Variants in TAMM41 observed in about 807,000 individuals in gnomAD.
TAMM41 encodes the protein TAM41 mitochondrial translocator assembly and maintenance homolog.
In TAMM41, 36 loss-of-function variants were observed where a neutral mutation model predicts 44.1. The ratio of observed to expected loss-of-function variants is 0.82; its 90% CI spans 0.63 to 1.08. The LOEUF (loss-of-function observed/expected upper bound fraction) is 1.08, where lower values mean the gene tolerates loss of function less well. TAMM41 is among the 50% of genes least tolerant of loss of function. The pLI is 0.00. For synonymous variants in TAMM41, 164 were observed against 153.1 expected (o/e 1.07, Z -0.53); for missense variants, 417 against 404.3 (o/e 1.03, Z -0.27).
In TAMM41 at chr3:11,814,060, C is replaced by A. The variant is rs568716061; in HGVS notation, c.708+3132G>T. On this transcript the variant is annotated intron_variant, in intron 5 of 7. Transcript: ENST00000455809. ...GGGCATAGTGGCATGGGCCTGTAGT[C>A]GCAGCTCCTCAAGAGGCTGAGGTGA... Among the ~76,000 whole-genome samples the A allele has an allele frequency of 1.3e-4, 19 of 151,796 alleles. No homozygotes were observed. The South Asian group carries it at 4.0e-3, about 32-fold the overall frequency.
At chr3:11,775,310 C>A in the TAMM41 span, among the ~76,000 whole-genome samples, 4 of 152,280 alleles carry the variant, frequency 2.6e-5, 1 homozygote. Context: ...TCAGCCCCCA[C>A]GTTTGCCAGG....
At chr3:11,809,740 T>C in intron 5 of TAMM41, 58 bp from the exon 6 acceptor site, 1 of 1,536,588 alleles carries the variant, frequency 6.5e-7, no homozygotes, top group Admixed American at 2.2e-5. Context: ...CTACAAATAC[T>C]CCAAAACTCA....
Position 11,790,461 on chromosome 3 carries a change from A to G in TAMM41, c.*44T>C, listed in dbSNP as rs748187324. On this transcript the variant is annotated 3_prime_UTR_variant, in exon 8 of 8. Transcript: ENST00000455809. ...ACACTGTTCTGTCAAAAAGGATCAAACACTTTATTCATCTACACATAACAT... is the reference window on the plus strand; with the variant it reads ...ACACTGTTCTGTCAAAAAGGATCAAGCACTTTATTCATCTACACATAACAT... The G allele has an allele frequency of 2.6e-6, 4 of 1,517,442 alleles. 1 individual carries two copies. In the Middle Eastern group the frequency reaches 5.2e-4, roughly 196 times the overall value. 94.0% of individuals were successfully genotyped at this position (1,517,442 alleles called of 1,614,324 possible). A position where few individuals can be genotyped will look rare whatever the true frequency, so the allele number is the denominator to read the frequency against.
intron 3 of TAMM41, among the ~76,000 whole-genome samples, chr3:11,832,304 G>T (rs934039005): frequency 6.7e-6 from 1 of 149,552 alleles, no homozygotes; most frequent in African/African-American, 2.5e-5. Flanking sequence ...AATCCACAAA[G>T]TTCCAAAAAG....
the TAMM41 span, among the ~76,000 whole-genome samples, chr3:11,776,650 G>A: frequency 1.3e-5 from 2 of 152,168 alleles, no homozygotes; most frequent in Admixed American, 1.3e-4. Flanking sequence ...TGACGCTCAC[G>A]AGAAGAAAAT....
At chr3:11,829,653 T>C in intron 4 of TAMM41, 61 bp downstream of exon 4, 1 of 1,579,672 alleles carries the variant, frequency 6.3e-7, no homozygotes, top group South Asian at 1.1e-5. Flanking sequence ...GAACAGGATA[T>C]CCGCAGTCTT....
At chr3:11,736,270 A>G in the TAMM41 span, among the ~76,000 whole-genome samples, 1 of 152,214 alleles carries the variant, frequency 6.6e-6, no homozygotes, top group Non-Finnish European at 1.5e-5. Context: ...GCCCATGGAA[A>G]GGAAGCATTT....
chr3:11,816,892 T>C lies in TAMM41; in HGVS notation c.708+300A>G, dbSNP rs185935189. On this transcript the variant is annotated intron_variant, in intron 5 of 7. Transcript: ENST00000455809. ...TGATCTAAAAGTTTATTTTCACTTGTTTTGATTGGTAATTGATAGACATGG... is the reference window on the plus strand; with the variant it reads ...TGATCTAAAAGTTTATTTTCACTTGCTTTGATTGGTAATTGATAGACATGG... Among the ~76,000 whole-genome samples the C allele has an allele frequency of 3.5e-4, 54 of 152,340 alleles. 1 individual carries two copies. Among genetic ancestry groups the C allele is most frequent in the African/African-American group, 1.3e-3 (54 of 41,568 alleles).
chr3:11,799,972 C>A (rs2077707878), intron 7 of TAMM41, among the ~76,000 whole-genome samples: 1 of 152,054 alleles, frequency 6.6e-6, no homozygotes, highest in African/African-American at 2.4e-5. Context: ...CCCTGTCACC[C>A]AAGAATTTTA....
the TAMM41 span, among the ~76,000 whole-genome samples, chr3:11,778,654 C>A: frequency 3.3e-5 from 5 of 151,810 alleles, no homozygotes; most frequent in Non-Finnish European, 4.4e-5. Context: ...GAAAAAACAT[C>A]GGAAAATGAC....
chr3:11,800,131 A>G (rs2077712246), intron 7 of TAMM41, among the ~76,000 whole-genome samples: 1 of 152,216 alleles, frequency 6.6e-6, no homozygotes, highest in Non-Finnish European at 1.5e-5. Flanking sequence ...CACCATCACA[A>G]AAATACCCAG....
intron 6 of TAMM41, chr3:11,808,503 T>C: frequency 1.0e-6 from 1 of 985,794 alleles, no homozygotes; most frequent in South Asian, 4.7e-5. Flanking sequence ...CTGCTGCAGC[T>C]CATCCACTGC....
the TAMM41 span, among the ~76,000 whole-genome samples, chr3:11,779,357 T>C: frequency 6.6e-6 from 1 of 152,126 alleles, no homozygotes; most frequent in Non-Finnish European, 1.5e-5. Context: ...TCCTTTTAAT[T>C]GCCAGGTCGT....
At chr3:11,794,860 T>C (rs1303886725) in intron 7 of TAMM41, among the ~76,000 whole-genome samples, 1 of 152,158 alleles carries the variant, frequency 6.6e-6, no homozygotes, top group Admixed American at 6.5e-5. Context: ...TTTGATAAAA[T>C]TAGTATCCCC....
At chr3:11,754,608 A>C in the TAMM41 span, among the ~76,000 whole-genome samples, 1 of 151,466 alleles carries the variant, frequency 6.6e-6, no homozygotes, top group African/African-American at 2.4e-5. Flanking sequence ...GGCTTAAAAG[A>C]TCCTCCTGCC....
chr3:11,789,400 T>C (rs2077437001), downstream of TAMM41, among the ~76,000 whole-genome samples: 1 of 152,184 alleles, frequency 6.6e-6, no homozygotes, highest in Non-Finnish European at 1.5e-5. Flanking sequence ...CAAAGACGAT[T>C]TGCAGGAAAA....
intron 4 of TAMM41, among the ~76,000 whole-genome samples, chr3:11,823,767 TCTC>T (rs1260985527): frequency 6.6e-6 from 1 of 150,464 alleles, no homozygotes; most frequent in African/African-American, 2.4e-5. Context: ...TTCAAGCTGT[TCTC>T]CTGCCTCAGC....
chr3:11,809,646 T>G lies in TAMM41; in HGVS notation c.745A>C (p.Met249Leu), dbSNP rs1559281787. ...TGCTGTAAGGTTTTGGGCAATGTCA[T>G]CAGCTGAGTGAACTGTCCTTCTGGG... ...KSPEGQFTQLMTLPKTLQQQI... is the reference protein window; with the variant it reads ...KSPEGQFTQLLTLPKTLQQQI... The change falls in exon 6 of 8, where the codon ATG becomes CTG. Residue 249 changes from methionine (M) to leucine (L), a missense_variant. Physicochemically the swap from Met to Leu is conservative, Grantham distance 15. Transcript: ENST00000455809. 1 of 1,614,096 alleles carries G rather than the reference T, an allele frequency of 6.2e-7. No individual in the cohort carries two copies. Among genetic ancestry groups the G allele is most frequent in the Non-Finnish European group, 8.5e-7 (1 of 1,180,034 alleles).
rs543052324 is a variant in TAMM41, at chr3:11,793,587, C to T, written c.938-3006G>A. ...CTAATAGTCCCAAGCGGGAACAACC[C>T]AAGTATCCATCAATAGTAGAATGGA... On this transcript the variant is annotated intron_variant, in intron 7 of 7. Transcript: ENST00000455809. Among the ~76,000 whole-genome samples, 3 of 152,312 alleles carry T rather than the reference C, an allele frequency of 2.0e-5. No homozygotes were observed. The East Asian group carries it at 5.8e-4, about 29-fold the overall frequency.
Sources: gnomAD v4.1 joint callset for allele counts (sites outside exome capture counted in the v4.1 genomes callset) on GRCh38, gnomAD v4.1.1 for gene constraint, MANE v1.5 for transcripts, NCBI Gene and HGNC (gene_info 2026-07-23, HGNC 2026-07-21) for gene names.